DLG2: variants seen among roughly 807,000 people sequenced by gnomAD.
DLG2 encodes the protein disks large homolog 2.
DLG2 carries 45 observed loss-of-function variants against 132.5 expected under a neutral mutation model. The observed-to-expected ratio is 0.34, with a 90% CI of 0.27 to 0.44. The LOEUF is 0.44. DLG2 is among the 20% of genes least tolerant of loss of function. DLG2 has a pLI of 1.00. For synonymous variants in DLG2, 424 were observed against 419.6 expected (o/e 1.01, Z -0.13); for missense variants, 1,045 against 1,196.9 (o/e 0.87, Z 1.87).
At chr11:84,582,437 C>CAT (rs1207172734) in intron 6 of DLG2, among the ~76,000 whole-genome samples, 1 of 148,160 alleles carries the variant, frequency 6.7e-6, no homozygotes, top group Non-Finnish European at 1.5e-5. Flanking sequence ...AGTTAAAATA[C>CAT]ATATATATTA....
chr11:84,908,459 T>C (rs1276368294), intron 6 of DLG2, among the ~76,000 whole-genome samples: 1 of 152,182 alleles, frequency 6.6e-6, no homozygotes, highest in Non-Finnish European at 1.5e-5. Flanking sequence ...AGTGTGTGTC[T>C]TCAGAAGCTG....
chr11:83,931,857 T>C (rs1209569647), intron 14 of DLG2, among the ~76,000 whole-genome samples: 2 of 152,228 alleles, frequency 1.3e-5, no homozygotes. Context: ...GATGGTTTCA[T>C]AGTGGACTGA....
intron 6 of DLG2, among the ~76,000 whole-genome samples, chr11:85,071,455 G>C (rs1179244407): frequency 6.6e-6 from 1 of 151,798 alleles, no homozygotes; most frequent in Non-Finnish European, 1.5e-5. Flanking sequence ...CTACTTTATA[G>C]ATAATAACAT....
intron 4 of DLG2, among the ~76,000 whole-genome samples, chr11:85,222,531 A>G (rs1396169144): frequency 6.6e-6 from 1 of 152,168 alleles, no homozygotes; most frequent in Non-Finnish European, 1.5e-5. Context: ...GTATTCCCTC[A>G]TTGGAAATTC....
intron 3 of DLG2, among the ~76,000 whole-genome samples, chr11:85,473,575 A>G (rs985588164): frequency 1.3e-5 from 2 of 152,180 alleles, no homozygotes; most frequent in African/African-American, 4.8e-5. Context: ...AGTATTGACT[A>G]TAAATGTAAA....
intron 19 of DLG2, among the ~76,000 whole-genome samples, chr11:83,614,771 C>T (rs993019512): frequency 2.7e-4 from 41 of 152,262 alleles, no homozygotes; most frequent in East Asian, 1.9e-4. Flanking sequence ...GTGAACTTAA[C>T]AAATATTTAT....
At chr11:85,227,711 C>T (rs2075058837) in intron 4 of DLG2, among the ~76,000 whole-genome samples, 1 of 152,064 alleles carries the variant, frequency 6.6e-6, no homozygotes, top group African/African-American at 2.4e-5. Flanking sequence ...AATGGCTTCC[C>T]ATCTCATTCA....
intron 3 of DLG2, among the ~76,000 whole-genome samples, chr11:85,554,566 G>A (rs2076831573): frequency 6.6e-6 from 1 of 151,774 alleles, no homozygotes; most frequent in African/African-American, 2.4e-5. Context: ...TTCATAGCTT[G>A]GCTTTGAAGG....
intron 11 of DLG2, among the ~76,000 whole-genome samples, chr11:84,051,211 T>C (rs1401213716): frequency 1.3e-5 from 2 of 151,972 alleles, no homozygotes; most frequent in African/African-American, 4.8e-5. Flanking sequence ...TGGAAGTCAG[T>C]GTGGTGATTC....
chr11:84,124,847 C>CTTTTTTT (rs34177526), intron 9 of DLG2, among the ~76,000 whole-genome samples: 1 of 121,228 alleles, frequency 8.2e-6, no homozygotes, highest in East Asian at 2.4e-4. Context: ...CTTGTTTTCA[C>CTTTTTTT]TTTTTTTTTT....
intron 6 of DLG2, among the ~76,000 whole-genome samples, chr11:84,992,410 T>G (rs627854): frequency 0.72 from 109,257 of 152,060 alleles, 40,517 homozygotes; most frequent in East Asian, 0.92. Flanking sequence ...TAAGTAAATA[T>G]ATCAGTAAAA....
At chr11:85,004,490 G>A (rs1352437953) in intron 6 of DLG2, among the ~76,000 whole-genome samples, 6 of 151,878 alleles carry the variant, frequency 4.0e-5, no homozygotes, top group Non-Finnish European at 5.9e-5. Context: ...GCTTTTTTTC[G>A]TATGTTTGTT....
At chr11:84,876,640 G>T (rs966412334) in intron 6 of DLG2, among the ~76,000 whole-genome samples, 6 of 152,080 alleles carry the variant, frequency 3.9e-5, no homozygotes, top group Admixed American at 2.6e-4. Flanking sequence ...ACAGCTCCTG[G>T]ATTCATTGAT....
At chr11:84,684,849 C>T (rs376443938) in intron 6 of DLG2, among the ~76,000 whole-genome samples, 2 of 152,136 alleles carry the variant, frequency 1.3e-5, no homozygotes, top group African/African-American at 2.4e-5. Context: ...TTCCACTTAA[C>T]GTAATTATAA....
intron 18 of DLG2, among the ~76,000 whole-genome samples, chr11:83,674,568 A>C (rs1592225918): frequency 6.6e-6 from 1 of 152,190 alleles, no homozygotes; most frequent in Non-Finnish European, 1.5e-5. Flanking sequence ...ATTATCTGTC[A>C]CCCTTCCACT....
chr11:83,943,600 T>C (rs188053494), intron 14 of DLG2, among the ~76,000 whole-genome samples: 1 of 152,260 alleles, frequency 6.6e-6, no homozygotes, highest in Non-Finnish European at 1.5e-5. Context: ...TATGCAAATA[T>C]ATTCTGTTAC....
At chr11:84,217,281 G>A (rs1192223478) in intron 8 of DLG2, among the ~76,000 whole-genome samples, 4 of 152,188 alleles carry the variant, frequency 2.6e-5, no homozygotes, top group Non-Finnish European at 4.4e-5. Context: ...ATTCTCATGT[G>A]TTGTTGGAGT....
intron 7 of DLG2, among the ~76,000 whole-genome samples, chr11:84,503,169 A>T (rs918675752): frequency 6.6e-6 from 1 of 152,228 alleles, no homozygotes; most frequent in Admixed American, 6.5e-5. Flanking sequence ...ACAATTTCTT[A>T]TGGAATAAAC....
chr11:85,238,206 TTTA>T (rs2075691100), intron 4 of DLG2, among the ~76,000 whole-genome samples: 4 of 6,020 alleles, frequency 6.6e-4, no homozygotes, highest in African/African-American at 1.9e-3. Flanking sequence ...TTATTTTTAT[TTTA>T]TTTATTTATT....
Sources: allele counts gnomAD v4.1 joint callset (sites outside exome capture counted in the v4.1 genomes callset), GRCh38; gene constraint gnomAD v4.1.1; transcripts MANE v1.5; gene names NCBI Gene and HGNC (gene_info 2026-07-23, HGNC 2026-07-21).